FHIT: variants seen among roughly 807,000 people sequenced by gnomAD.
FHIT encodes the protein fragile histidine triad diadenosine triphosphatase, also known as bis(5'-adenosyl)-triphosphatase.
FHIT carries 19 observed loss-of-function variants against 17.9 expected under a neutral mutation model. The ratio of observed to expected loss-of-function variants is 1.06; its 90% CI spans 0.74 to 1.56. The LOEUF (loss-of-function observed/expected upper bound fraction) is 1.56, where lower values mean the gene tolerates loss of function less well. Among genes scored for constraint, FHIT ranks in the 40% most tolerant of loss-of-function variants. The pLI is 0.00. For missense variants in FHIT, 248 were observed against 189.2 expected, an observed-to-expected ratio of 1.31 and a Z score of -1.82; for synonymous variants, 81 against 69.7, an observed-to-expected ratio of 1.16 and a Z score of -0.81.
chr3:60,154,526 T>C (rs564270685), intron 5 of FHIT, among the ~76,000 whole-genome samples: 8 of 152,306 alleles, frequency 5.3e-5, no homozygotes, highest in South Asian at 4.1e-4. Flanking sequence ...AAGAGGTATA[T>C]TGCCAACAAA....
intron 8 of FHIT, among the ~76,000 whole-genome samples, chr3:59,821,219 T>A (rs921540493): frequency 6.6e-6 from 1 of 152,068 alleles, no homozygotes; most frequent in African/African-American, 2.4e-5. Flanking sequence ...CCCCAACAGT[T>A]AAAGGACTGG....
rs2039385383 is a variant in FHIT, at chr3:61,209,609, A to C, written c.-212-8944T>G. Among the ~76,000 whole-genome samples the C allele has an allele frequency of 2.6e-5, 4 of 152,176 alleles. No homozygotes were observed. In the South Asian group the frequency reaches 6.2e-4, roughly 24 times the overall value. On this transcript the variant is annotated intron_variant, in intron 1 of 9. Coordinates refer to ENST00000492590, the MANE Select transcript of FHIT (RefSeq NM_002012.4). The stretch of plus-strand genomic sequence containing the variant: ...TTTCTTCCAGTTGATCGCATCGGCT[A>C]CTGAGGCTTGTGCGTTCGTCACGTG...
At chr3:60,645,689 A>G in intron 4 of FHIT, among the ~76,000 whole-genome samples, 1 of 152,168 alleles carries the variant, frequency 6.6e-6, no homozygotes, top group East Asian at 1.9e-4. Context: ...GACAATAGAC[A>G]ATACAACCAT....
intron 3 of FHIT, among the ~76,000 whole-genome samples, chr3:60,876,700 T>G (rs1447913): frequency 0.24 from 37,111 of 152,166 alleles, 5,104 homozygotes; most frequent in African/African-American, 0.35. Context: ...TAAATGCTTT[T>G]CAAACTTAAG....
At chr3:60,274,447 T>A (rs959609409) in intron 5 of FHIT, among the ~76,000 whole-genome samples, 13 of 152,130 alleles carry the variant, frequency 8.5e-5, no homozygotes, top group Non-Finnish European at 1.5e-4. Flanking sequence ...TAAAAATGTA[T>A]CTTATATATG....
At chr3:60,606,687 T>G (rs1257482569) in intron 4 of FHIT, among the ~76,000 whole-genome samples, 3 of 152,186 alleles carry the variant, frequency 2.0e-5, no homozygotes, top group Middle Eastern at 3.2e-3. Context: ...GGAAAAAGGA[T>G]GAGCATGTGT....
chr3:61,026,626 C>T (rs1451651174), intron 3 of FHIT, among the ~76,000 whole-genome samples: 1 of 151,572 alleles, frequency 6.6e-6, no homozygotes, highest in South Asian at 2.1e-4. Flanking sequence ...AAATCCTAAA[C>T]TCTCTTAAAA....
In FHIT at chr3:60,819,731, C is replaced by T. The variant is rs80064939; in HGVS notation, c.-18+2188G>A. On this transcript the variant is annotated intron_variant, in intron 4 of 9. Transcript: ENST00000492590. ...AGTTCCCATAACTAGCTTCATTTTA[C>T]GGAGGAAGTAACCAGAGTTCCGAGA... is the stretch of plus-strand genomic sequence containing the variant. 6.8e-4 allele frequency among the ~76,000 whole-genome samples: 103 copies of T among 152,226 alleles called. 2 individuals carry two copies. The East Asian group carries it at 0.017, about 26-fold the overall frequency.
chr3:60,965,247 T>C (rs1360283152), intron 3 of FHIT, among the ~76,000 whole-genome samples: 2 of 152,204 alleles, frequency 1.3e-5, no homozygotes, highest in African/African-American at 2.4e-5. Context: ...TGTGCATGCA[T>C]CACGTAGTTC....
At chr3:60,494,296 T>C (rs1210918352) in intron 5 of FHIT, among the ~76,000 whole-genome samples, 1 of 152,200 alleles carries the variant, frequency 6.6e-6, no homozygotes, top group Non-Finnish European at 1.5e-5. Flanking sequence ...ATAAATTGTA[T>C]CACATAATAT....
intron 1 of FHIT, among the ~76,000 whole-genome samples, chr3:61,202,600 A>G (rs1344273077): frequency 6.6e-6 from 1 of 152,222 alleles, no homozygotes; most frequent in Non-Finnish European, 1.5e-5. Context: ...TGGAAAAAGT[A>G]TAACAATATC....
At chr3:61,243,624 GT>G (rs1009958674) in intron 1 of FHIT, among the ~76,000 whole-genome samples, 4 of 152,066 alleles carry the variant, frequency 2.6e-5, no homozygotes, top group African/African-American at 9.7e-5. Flanking sequence ...CTGAACAACT[GT>G]TTAAACCCTT....
At chr3:60,609,768 G>A (rs185384006) in intron 4 of FHIT, among the ~76,000 whole-genome samples, 1 of 152,058 alleles carries the variant, frequency 6.6e-6, no homozygotes, top group African/African-American at 2.4e-5. Flanking sequence ...TGCCTCAAAG[G>A]TCTGATTTCT....
intron 5 of FHIT, among the ~76,000 whole-genome samples, chr3:60,501,224 T>C (rs6767126): frequency 0.058 from 8,757 of 152,220 alleles, 590 homozygotes; most frequent in African/African-American, 0.16. Flanking sequence ...TGAAGTAATA[T>C]GATCCAAGGA....
intron 2 of FHIT, among the ~76,000 whole-genome samples, chr3:61,068,879 G>C (rs1292966641): frequency 2.0e-5 from 3 of 152,078 alleles, no homozygotes; most frequent in Non-Finnish European, 4.4e-5. Context: ...TACTCAAAAA[G>C]TAATGAGAAA....
At chr3:60,532,886 G>C (rs569796132) in intron 5 of FHIT, among the ~76,000 whole-genome samples, 1 of 152,018 alleles carries the variant, frequency 6.6e-6, no homozygotes, top group African/African-American at 2.4e-5. Flanking sequence ...TGTTATAAGA[G>C]AGACAAGTTC....
At chr3:60,975,450 C>T (rs534974606) in intron 3 of FHIT, among the ~76,000 whole-genome samples, 43 of 152,340 alleles carry the variant, frequency 2.8e-4, no homozygotes, top group African/African-American at 1.0e-3. Context: ...TTATTTCCCT[C>T]ATTCACAACT....
intron 4 of FHIT, among the ~76,000 whole-genome samples, chr3:60,709,759 C>G (rs1553704525): frequency 6.6e-6 from 1 of 152,090 alleles, no homozygotes; most frequent in East Asian, 1.9e-4. Context: ...GTGGCATATC[C>G]AAGTTTCCCA....
intron 5 of FHIT, among the ~76,000 whole-genome samples, chr3:60,145,262 AGTT>A (rs950080797): frequency 6.6e-6 from 1 of 152,180 alleles, no homozygotes; most frequent in African/African-American, 2.4e-5. Flanking sequence ...AATTTTAGGT[AGTT>A]TTCTCTTTCT....
Sources: gnomAD v4.1 joint callset for allele counts (sites outside exome capture counted in the v4.1 genomes callset) on GRCh38, gnomAD v4.1.1 for gene constraint, MANE v1.5 for transcripts, NCBI Gene and HGNC (gene_info 2026-07-23, HGNC 2026-07-21) for gene names.